The following CNTN3 variants were observed in gnomAD, a reference collection of about 807,000 sequenced individuals.
CNTN3 encodes contactin-3.
Under a neutral mutation model 119.1 loss-of-function variants are expected in CNTN3, and 60 were observed. That is an observed-to-expected ratio of 0.50 (90% CI 0.41 to 0.62). The LOEUF is 0.62. Ranked by LOEUF, CNTN3 falls within the 20% of genes least tolerant of loss-of-function variation. CNTN3 has a pLI of 0.00. For missense variants in CNTN3, 1,101 were observed against 1,242.4 expected, an observed-to-expected ratio of 0.89 and a Z score of 1.71; for synonymous variants, 450 against 438.7, an observed-to-expected ratio of 1.03 and a Z score of -0.32.
chr3:74,395,030 A>T (rs1011767152), intron 5 of CNTN3, among the ~76,000 whole-genome samples: 4 of 151,802 alleles, frequency 2.6e-5, no homozygotes, highest in Admixed American at 1.3e-4. Flanking sequence ...TAATCTAATG[A>T]TTTTTTTTAA....
At chr3:74,589,378 A>G (rs1704658146) in intron 1 of CNTN3, among the ~76,000 whole-genome samples, 1 of 148,782 alleles carries the variant, frequency 6.7e-6, no homozygotes, top group African/African-American at 2.5e-5. Flanking sequence ...ACTGGCCATC[A>G]GAGAAATGCA....
intron 1 of CNTN3, among the ~76,000 whole-genome samples, chr3:74,568,812 C>T (rs1453407730): frequency 6.6e-6 from 1 of 152,172 alleles, no homozygotes; most frequent in Admixed American, 6.5e-5. Flanking sequence ...GGGCAAAGGG[C>T]TTCTGTTTCT....
chr3:74,287,913 T>A (rs889401266), intron 19 of CNTN3, among the ~76,000 whole-genome samples: 4 of 152,190 alleles, frequency 2.6e-5, no homozygotes, highest in African/African-American at 9.6e-5. Flanking sequence ...AACCAACCCT[T>A]TGACCCTCTT....
chr3:74,296,854 A>C (rs1365506420), intron 18 of CNTN3, among the ~76,000 whole-genome samples: 1 of 150,580 alleles, frequency 6.6e-6, no homozygotes, highest in Non-Finnish European at 1.5e-5. Flanking sequence ...ACTTCAATAC[A>C]TGTTAGTTTC....
chr3:74,369,388 G>A lies in CNTN3; in HGVS notation c.762-15C>T, dbSNP rs371317570. 2.4e-5 allele frequency: 37 copies of A among 1,567,654 alleles called. No individual in the cohort carries two copies. The highest frequency in any genetic ancestry group is 8.3e-5 in the South Asian group (7 of 83,982). On this transcript the variant is annotated splice_polypyrimidine_tract_variant and intron_variant, in intron 7 of 22. Coordinates refer to ENST00000263665, the MANE Select transcript of CNTN3 (RefSeq NM_020872.3). ...GAGGTATGGGACTAAGAAGAAAATC[G>A]TCAAGTTGTCTGCTATTGTCTGGAA...
intron 12 of CNTN3, 128 bp downstream of exon 12, chr3:74,336,403 C>T: frequency 1.0e-6 from 1 of 987,466 alleles, no homozygotes; most frequent in Non-Finnish European, 1.5e-6. Context: ...TTAAAAATAA[C>T]ATAAGTGCAA....
intron 1 of CNTN3, among the ~76,000 whole-genome samples, chr3:74,562,143 C>T (rs1259978977): frequency 6.6e-6 from 1 of 152,078 alleles, no homozygotes; most frequent in Non-Finnish European, 1.5e-5. Context: ...ACATCATTCT[C>T]TATTCTTATT....
At position 74,486,651 on chromosome 3, in the gene CNTN3, G is replaced by GT. The variant is rs762141050; in HGVS notation, c.183-21dup. On this transcript the variant is annotated intron_variant, in intron 3 of 22. Coordinates refer to ENST00000263665, the MANE Select transcript of CNTN3 (RefSeq NM_020872.3). ...TGCCATCTGTAAAACAAATATCAAG[G>GT]TTCCCCCCCCTTAGTATTTTTAACT... 3.9e-5 allele frequency: 58 copies of GT among 1,501,182 alleles called. No individual in the cohort carries two copies. The South Asian group carries it at 4.6e-4, about 12-fold the overall frequency. 93.0% of individuals were successfully genotyped at this position (1,501,182 alleles called of 1,614,324 possible).
chr3:74,486,248 GCATACACACAGA>G (rs1702856119), intron 4 of CNTN3, among the ~76,000 whole-genome samples, 196 bp downstream of exon 4: 1 of 150,496 alleles, frequency 6.6e-6, no homozygotes, highest in Non-Finnish European at 1.5e-5. Context: ...ATGCACACCA[GCATACACACAGA>G]CATACACACA....
chr3:74,493,352 A>G lies in CNTN3; in HGVS notation c.182+6307T>C, dbSNP rs559875792. Among the ~76,000 whole-genome samples the G allele has an allele frequency of 7.9e-5, 12 of 152,242 alleles. No individual in the cohort carries two copies. The South Asian group carries it at 1.0e-3, about 13-fold the overall frequency. On this transcript the variant is annotated intron_variant, in intron 3 of 22. Transcript: ENST00000263665. Reference sequence around the variant, plus strand: ...TAAGTAGTTTAAAAAATAAACCCCAAATAGAATTCACCTCACAGTTGATTA... The same window carrying G: ...TAAGTAGTTTAAAAAATAAACCCCAGATAGAATTCACCTCACAGTTGATTA...
At chr3:74,493,349 C>T (rs547708918) in intron 3 of CNTN3, among the ~76,000 whole-genome samples, 141 of 152,088 alleles carry the variant, frequency 9.3e-4, no homozygotes, top group African/African-American at 3.2e-3. Context: ...AAAATAAACC[C>T]CAAATAGAAT....
intron 11 of CNTN3, among the ~76,000 whole-genome samples, chr3:74,354,184 C>G (rs2106754953): frequency 6.6e-6 from 1 of 152,168 alleles, no homozygotes; most frequent in East Asian, 1.9e-4. Flanking sequence ...CTTTAAAAGG[C>G]ATTTAATTTT....
At chr3:74,357,009 C>T (rs555376374) in intron 11 of CNTN3, among the ~76,000 whole-genome samples, 75 of 148,500 alleles carry the variant, frequency 5.1e-4, no homozygotes, top group Middle Eastern at 4.0e-3. Context: ...CTGCAAGCTC[C>T]GCCTCTCAGT....
chr3:74,547,701 G>T (rs1703934878), intron 1 of CNTN3, among the ~76,000 whole-genome samples: 1 of 152,018 alleles, frequency 6.6e-6, no homozygotes. Context: ...AGACATATTT[G>T]TACACTATAG....
At chr3:74,465,172 T>G (rs977340678) in intron 4 of CNTN3, among the ~76,000 whole-genome samples, 2 of 152,194 alleles carry the variant, frequency 1.3e-5, no homozygotes, top group Non-Finnish European at 2.9e-5. Context: ...GATCTTAACT[T>G]ATAAAAGTGG....
chr3:74,610,396 C>T (rs945650252), intron 1 of CNTN3, among the ~76,000 whole-genome samples: 3 of 151,412 alleles, frequency 2.0e-5, no homozygotes, highest in Admixed American at 6.6e-5. Flanking sequence ...TGTGTTTAGG[C>T]GTTAGGGCTG....
intron 13 of CNTN3, among the ~76,000 whole-genome samples, chr3:74,324,056 A>G (rs973420639): frequency 5.9e-5 from 9 of 152,294 alleles, no homozygotes; most frequent in Non-Finnish European, 8.8e-5. Context: ...GTATGCTGGT[A>G]TATACACAAA....
intron 5 of CNTN3, among the ~76,000 whole-genome samples, chr3:74,410,622 A>G (rs968818957): frequency 6.6e-6 from 1 of 152,200 alleles, no homozygotes; most frequent in African/African-American, 2.4e-5. Flanking sequence ...AAGTGGAAAC[A>G]GAATAGGCCT....
At chr3:74,524,294 G>A (rs1703584446) in intron 1 of CNTN3, among the ~76,000 whole-genome samples, 1 of 151,886 alleles carries the variant, frequency 6.6e-6, no homozygotes, top group Non-Finnish European at 1.5e-5. Flanking sequence ...TACAATTCTA[G>A]AGGGAGGTGG....
Sources: gnomAD v4.1 joint callset for allele counts (sites outside exome capture counted in the v4.1 genomes callset) on GRCh38, gnomAD v4.1.1 for gene constraint, MANE v1.5 for transcripts, NCBI Gene and HGNC (gene_info 2026-07-23, HGNC 2026-07-21) for gene names.